The following UROC1 variants were observed in gnomAD, a reference collection of about 807,000 sequenced individuals.
UROC1 encodes urocanate hydratase 1.
Under a neutral mutation model 89.5 loss-of-function variants are expected in UROC1, and 79 were observed. The ratio of observed to expected loss-of-function variants is 0.88; its 90% confidence interval spans 0.74 to 1.06. UROC1 has a LOEUF of 1.06. Among genes scored for constraint, UROC1 ranks in the 50% least tolerant of loss-of-function variants. The pLI, the probability that UROC1 is intolerant of heterozygous loss-of-function variation, is 0.00. For missense variants in UROC1, 885 were observed against 907.8 expected, an observed-to-expected ratio of 0.97 and a Z score of 0.32; for synonymous variants, 361 against 354.8, an observed-to-expected ratio of 1.02 and a Z score of -0.20.
chr3:126,492,553 T>C (rs749839669), intron 15 of UROC1, 37 bp from the exon 16 acceptor site: 83 of 1,548,324 alleles, frequency 5.4e-5, no homozygotes, highest in Middle Eastern at 1.7e-4. Context: ...TCAGCCAACA[T>C]AGGCAGCAAT....
At chr3:126,501,916 C>G (rs767104308) in intron 9 of UROC1, 1 of 1,598,262 alleles carries the variant, frequency 6.3e-7, no homozygotes, top group African/African-American at 1.3e-5. Flanking sequence ...GCCGGCCCAG[C>G]CCAGGGCTTG....
At chr3:126,510,855 C>A (rs1207451703) in intron 1 of UROC1, 61 bp from the exon 2 acceptor site, 3 of 1,589,952 alleles carry the variant, frequency 1.9e-6, no homozygotes, top group Non-Finnish European at 2.6e-6. Flanking sequence ...GTTCTGAGGC[C>A]CCGCGATGGG....
intron 18 of UROC1, among the ~76,000 whole-genome samples, chr3:126,487,045 T>C (rs1239331562): frequency 2.6e-5 from 4 of 152,200 alleles, no homozygotes; most frequent in African/African-American, 9.6e-5. Flanking sequence ...GGGAGCAACT[T>C]AGGAATTTGC....
At chr3:126,497,617 G>A (rs62266265) in intron 14 of UROC1, among the ~76,000 whole-genome samples, 31,975 of 152,230 alleles carry the variant, frequency 0.21, 4,342 homozygotes, top group Non-Finnish European at 0.3. Flanking sequence ...ACGTGGAGGG[G>A]GAGGCTGGGT....
At chr3:126,499,528 T>C in intron 12 of UROC1, 119 bp from the exon 13 acceptor site, 2 of 1,041,786 alleles carry the variant, frequency 1.9e-6, no homozygotes, top group Admixed American at 2.0e-5. Flanking sequence ...GTCTTTTTCA[T>C]GTAAAAGAAG....
intron 15 of UROC1, among the ~76,000 whole-genome samples, chr3:126,493,716 G>A (rs889232591): frequency 2.6e-5 from 4 of 152,180 alleles, no homozygotes; most frequent in African/African-American, 9.7e-5. Flanking sequence ...ACTCAAAAAT[G>A]GCAAAGATGG....
chr3:126,511,042 G>A (rs906267859), intron 1 of UROC1, among the ~76,000 whole-genome samples: 32 of 152,128 alleles, frequency 2.1e-4, no homozygotes, highest in Non-Finnish European at 4.4e-4. Context: ...CTTGCTTACG[G>A]TGAACCATCT....
intron 1 of UROC1, among the ~76,000 whole-genome samples, chr3:126,517,275 G>A (rs924517030): frequency 1.3e-5 from 2 of 152,184 alleles, no homozygotes; most frequent in Non-Finnish European, 2.9e-5. Flanking sequence ...TGGACGCGGC[G>A]CTTGGTGTGG....
chr3:126,498,642 G>A (rs1258617300), intron 13 of UROC1, among the ~76,000 whole-genome samples: 2 of 152,008 alleles, frequency 1.3e-5, no homozygotes, highest in South Asian at 2.1e-4. Flanking sequence ...TAGGCCAGGG[G>A]GTGCCTCCTC....
rs777684432 is a variant in UROC1 at position 126,507,568 on chromosome 3, A to C, written c.602+174T>G. ...AGGTTCTCTTGCATTCAAGAATATA[A>C]AATTTGTAAGCATATACATAAAACT... On this transcript the variant is annotated intron_variant, in intron 6 of 19. Coordinates refer to ENST00000290868, the MANE Select transcript of UROC1 (RefSeq NM_144639.3). Among the ~76,000 whole-genome samples the C allele has an allele frequency of 9.2e-5, 14 of 152,236 alleles. 1 individual carries two copies. Among genetic ancestry groups the C allele is most frequent in the Non-Finnish European group, 4.4e-5 (3 of 68,048 alleles).
intron 19 of UROC1, among the ~76,000 whole-genome samples, chr3:126,482,997 C>G (rs1437693310): frequency 6.6e-6 from 1 of 152,164 alleles, no homozygotes; most frequent in East Asian, 1.9e-4. Context: ...GGATGAAGAC[C>G]TCCATCCCCA....
chr3:126,496,872 G>A (rs1289444849), intron 14 of UROC1, among the ~76,000 whole-genome samples: 2 of 152,334 alleles, frequency 1.3e-5, no homozygotes, highest in East Asian at 1.9e-4. Flanking sequence ...CAGGGCATGT[G>A]CTGCGGGCAT....
intron 18 of UROC1, among the ~76,000 whole-genome samples, chr3:126,485,268 A>G (rs1184346110): frequency 6.6e-6 from 1 of 152,222 alleles, no homozygotes; most frequent in Admixed American, 6.5e-5. Flanking sequence ...CTTCACCCCT[A>G]GCCTACAAGG....
intron 17 of UROC1, among the ~76,000 whole-genome samples, chr3:126,489,074 C>T (rs141194231): frequency 3.3e-5 from 5 of 152,350 alleles, no homozygotes; most frequent in Admixed American, 2.0e-4. Flanking sequence ...GGGCACCCAG[C>T]TGGCCCGGTG....
intron 14 of UROC1, 40 bp from the exon 15 acceptor site, chr3:126,496,148 G>A (rs1397277787): frequency 1.3e-6 from 2 of 1,598,110 alleles, no homozygotes; most frequent in Non-Finnish European, 1.7e-6. Flanking sequence ...GACCCTCCAG[G>A]GGCACAGACC....
chr3:126,493,561 G>C (rs141754170), intron 15 of UROC1, among the ~76,000 whole-genome samples: 2 of 152,260 alleles, frequency 1.3e-5, no homozygotes, highest in African/African-American at 2.4e-5. Context: ...TGAGGTTGTT[G>C]AGTGCCAGGG....
At position 126,508,436 on chromosome 3, in the gene UROC1, C is replaced by G. The variant is rs776306436; in HGVS notation, c.391G>C (p.Val131Leu). 1 of 1,613,968 alleles carries G rather than the reference C, an allele frequency of 6.2e-7. No individual in the cohort carries two copies. ...ELVTYGGNGQ[V>L]FSNWAQFWLT... ...AGTACCTGAGCCCAGTTGCTGAACACCTGCCCATTTCCTCCATAGGTCACC... is the reference window on the plus strand; with the variant it reads ...AGTACCTGAGCCCAGTTGCTGAACAGCTGCCCATTTCCTCCATAGGTCACC... Residue 131 changes from valine to leucine, a missense_variant, in exon 4 of 20, where the codon GTG becomes CTG. Physicochemically the swap from Val to Leu is conservative, Grantham distance 32. Transcript: ENST00000290868.
At position 126,482,129 on chromosome 3, in the gene UROC1, C is replaced by G; in HGVS notation, c.*216G>C. 1.5e-6 allele frequency: 1 copy of G among 654,244 alleles called. No homozygotes were observed. Among genetic ancestry groups the G allele is most frequent in the Non-Finnish European group, 2.6e-6 (1 of 389,312 alleles). 40.5% of individuals were successfully genotyped at this position (654,244 alleles called of 1,614,324 possible). The stretch of plus-strand genomic sequence containing the variant: ...GCCTTCAGGGCTCCCATGCAAGTGG[C>G]ATGGTTGTGGACAGAGAGCTGCATG... On this transcript the variant is annotated 3_prime_UTR_variant, in exon 20 of 20. Transcript: ENST00000290868.
intron 13 of UROC1, 129 bp downstream of exon 13, chr3:126,499,208 G>A (rs936889440): frequency 1.0e-6 from 1 of 987,396 alleles, no homozygotes; most frequent in Non-Finnish European, 1.6e-6. Context: ...CAGTGTGGAG[G>A]TCTCAGCGCA....
Sources: gnomAD v4.1 joint callset for allele counts (sites outside exome capture counted in the v4.1 genomes callset) on GRCh38, gnomAD v4.1.1 for gene constraint, MANE v1.5 for transcripts, NCBI Gene and HGNC (gene_info 2026-07-23, HGNC 2026-07-21) for gene names.